C1QTNF3: variants seen among roughly 807,000 people sequenced by gnomAD.
C1QTNF3 encodes C1q and TNF related 3.
Under a neutral mutation model 32.6 loss-of-function variants are expected in C1QTNF3, and 26 were observed. The ratio of observed to expected loss-of-function variants is 0.80; its 90% CI spans 0.58 to 1.11. The LOEUF is 1.11. C1QTNF3 is among the 50% of genes least tolerant of loss of function. The probability of loss-of-function intolerance (pLI) is 0.00; values close to 1 mark genes in which losing one functional copy is unlikely to be tolerated. For missense variants in C1QTNF3, 362 were observed against 398.2 expected, an observed-to-expected ratio of 0.91 and a Z score of 0.77; for synonymous variants, 155 against 146.0, an observed-to-expected ratio of 1.06 and a Z score of -0.44.
the C1QTNF3 span, among the ~76,000 whole-genome samples, chr5:34,226,313 G>A: frequency 1.3e-5 from 2 of 151,780 alleles, no homozygotes; most frequent in Non-Finnish European, 2.9e-5. Context: ...GGCCAAACTT[G>A]TGAACAAAAA....
At chr5:34,067,475 A>G in the C1QTNF3 span, among the ~76,000 whole-genome samples, 2 of 152,342 alleles carry the variant, frequency 1.3e-5, no homozygotes, top group South Asian at 4.1e-4. Flanking sequence ...GGCAGAAGGC[A>G]AGGAGGAGCA....
the C1QTNF3 span, among the ~76,000 whole-genome samples, chr5:34,239,166 A>G: frequency 6.6e-6 from 1 of 152,264 alleles, no homozygotes; most frequent in African/African-American, 2.4e-5. Flanking sequence ...AGTAAAAAGA[A>G]TGACACCTGC....
chr5:34,028,636 T>G, intron 4 of C1QTNF3, 118 bp downstream of exon 4: 10 of 827,758 alleles, frequency 1.2e-5, no homozygotes, highest in Non-Finnish European at 1.6e-5. Flanking sequence ...CCTACTCCCT[T>G]CCTCCTTCTT....
chr5:34,237,508 G>T, the C1QTNF3 span, among the ~76,000 whole-genome samples: 1 of 152,134 alleles, frequency 6.6e-6, no homozygotes, highest in Non-Finnish European at 1.5e-5. Flanking sequence ...TTTTACTCCT[G>T]AATGTAATAT....
At chr5:34,183,283 C>A in the C1QTNF3 span, among the ~76,000 whole-genome samples, 10 of 152,056 alleles carry the variant, frequency 6.6e-5, no homozygotes, top group African/African-American at 2.4e-4. Context: ...GGCCCTGAAC[C>A]AATGCGCCCG....
At chr5:34,107,391 C>G in the C1QTNF3 span, among the ~76,000 whole-genome samples, 1 of 150,770 alleles carries the variant, frequency 6.6e-6, no homozygotes, top group East Asian at 1.9e-4. Flanking sequence ...AGACACATGA[C>G]TCATTGTCTC....
Position 34,019,461 on chromosome 5 carries a change from A to G in C1QTNF3, c.*1122T>C, listed in dbSNP as rs538455774. 1.5e-4 allele frequency: 23 copies of G among 152,366 alleles called. No individual in the cohort carries two copies. The highest frequency in any genetic ancestry group is 5.0e-4 in the African/African-American group (21 of 41,602). 9.4% of individuals were successfully genotyped at this position (152,366 alleles called of 1,614,324 possible). A position where few individuals can be genotyped will look rare whatever the true frequency, so the allele number is the denominator to read the frequency against. The stretch of plus-strand genomic sequence containing the variant: ...ATAAAAAACCTCTTTCCTTACAGGT[A>G]TTCAGATTTTATTTGTGAGCCCTCT... On this transcript the variant is annotated 3_prime_UTR_variant, in exon 6 of 6. Coordinates refer to ENST00000382065, the MANE Select transcript of C1QTNF3 (RefSeq NM_181435.6).
chr5:34,127,437 T>C, the C1QTNF3 span, among the ~76,000 whole-genome samples: 1 of 152,134 alleles, frequency 6.6e-6, no homozygotes, highest in Non-Finnish European at 1.5e-5. Context: ...ACTCTTTCTA[T>C]GCTTTAGCAA....
At chr5:34,109,483 CTAAT>C in the C1QTNF3 span, among the ~76,000 whole-genome samples, 1 of 151,920 alleles carries the variant, frequency 6.6e-6, no homozygotes, top group African/African-American at 2.4e-5. Context: ...ATAAAAATTG[CTAAT>C]TAATTAAATC....
the C1QTNF3 span, among the ~76,000 whole-genome samples, chr5:34,226,725 C>A: frequency 6.6e-6 from 1 of 151,790 alleles, no homozygotes; most frequent in Non-Finnish European, 1.5e-5. Flanking sequence ...TAAGAGCCTA[C>A]TGTTGACTGG....
chr5:34,102,263 CTCT>C, the C1QTNF3 span, among the ~76,000 whole-genome samples: 4 of 152,104 alleles, frequency 2.6e-5, no homozygotes, highest in Non-Finnish European at 5.9e-5. Flanking sequence ...GCTTATTTTT[CTCT>C]TCATTATTTA....
At chr5:34,217,753 G>T in the C1QTNF3 span, among the ~76,000 whole-genome samples, 10 of 152,152 alleles carry the variant, frequency 6.6e-5, no homozygotes, top group African/African-American at 2.4e-4. Context: ...ATACAATACA[G>T]AAATTAAATT....
At chr5:34,049,423 G>A in the C1QTNF3 span, among the ~76,000 whole-genome samples, 1 of 152,124 alleles carries the variant, frequency 6.6e-6, no homozygotes, top group East Asian at 1.9e-4. Context: ...AGAAGCCAAG[G>A]TTGACTTCTG....
chr5:34,147,213 A>G, the C1QTNF3 span, among the ~76,000 whole-genome samples: 9 of 152,236 alleles, frequency 5.9e-5, no homozygotes, highest in African/African-American at 2.2e-4. Context: ...GTTGCTGGGT[A>G]TATGAATTAG....
the C1QTNF3 span, among the ~76,000 whole-genome samples, chr5:34,076,666 A>G: frequency 6.6e-6 from 1 of 151,724 alleles, no homozygotes; most frequent in Non-Finnish European, 1.5e-5. Flanking sequence ...ATCACTTTTA[A>G]TAAAACATGA....
At chr5:34,166,862 T>C in the C1QTNF3 span, 1 of 152,088 alleles carries the variant, frequency 6.6e-6, no homozygotes, top group East Asian at 1.9e-4. Flanking sequence ...ACCTAGATCA[T>C]ATAAATTTGT....
chr5:34,141,302 T>C, the C1QTNF3 span, among the ~76,000 whole-genome samples: 1 of 152,102 alleles, frequency 6.6e-6, no homozygotes, highest in Admixed American at 6.5e-5. Flanking sequence ...GTATTTTTAA[T>C]AAAGATGGGG....
the C1QTNF3 span, among the ~76,000 whole-genome samples, chr5:34,205,601 C>T: frequency 6.6e-6 from 1 of 152,062 alleles, no homozygotes; most frequent in African/African-American, 2.4e-5. Context: ...TTTTCTGAGG[C>T]TTCCCCATCC....
intron 3 of C1QTNF3, chr5:34,033,021 TAGG>T: frequency 3.0e-6 from 1 of 333,954 alleles, no homozygotes; most frequent in South Asian, 6.7e-5. Context: ...TTTGGGAAAA[TAGG>T]AGATAAGTTT....
Sources: gnomAD v4.1 joint callset for allele counts (sites outside exome capture counted in the v4.1 genomes callset) on GRCh38, gnomAD v4.1.1 for gene constraint, MANE v1.5 for transcripts, NCBI Gene and HGNC (gene_info 2026-07-23, HGNC 2026-07-21) for gene names.